ZNF317: variants seen among roughly 807,000 people sequenced by gnomAD.
ZNF317 encodes the protein zinc finger protein 317.
Under a neutral mutation model 23.4 loss-of-function variants are expected in ZNF317, and 17 were observed. The observed-to-expected ratio is 0.73, with a 90% confidence interval of 0.50 to 1.09. ZNF317 has a LOEUF of 1.09. ZNF317 is among the 50% of genes least tolerant of loss of function. ZNF317 has a pLI of 0.00. For missense variants in ZNF317, 679 were observed against 796.7 expected (o/e 0.85, Z 1.78); for synonymous variants, 317 against 314.9 (o/e 1.01, Z -0.07).
At chr19:9,149,938 G>T (rs1447971929) in intron 1 of ZNF317, among the ~76,000 whole-genome samples, 1 of 152,168 alleles carries the variant, frequency 6.6e-6, no homozygotes, top group Non-Finnish European at 1.5e-5. Flanking sequence ...GAAGCAACCA[G>T]ATTTTTGTAT....
chr19:9,151,370 A>G (rs1430518227), intron 1 of ZNF317, among the ~76,000 whole-genome samples: 2 of 152,228 alleles, frequency 1.3e-5, no homozygotes, highest in East Asian at 3.8e-4. Flanking sequence ...ATGTTTCTGA[A>G]TATCTAAAAC....
At position 9,141,115 on chromosome 19, in the gene ZNF317, A is replaced by G. The variant is rs144921617; in HGVS notation, c.-93+523A>G. On this transcript the variant is annotated intron_variant, in intron 1 of 6. Transcript: ENST00000247956. ...TAGCCTATATGTATATTTACTATTC[A>G]GTTCAACATTTTGTTAATTAACTTG... Among the ~76,000 whole-genome samples the G allele has an allele frequency of 8.5e-3, 1,291 of 152,216 alleles. 22 individuals are homozygous for G. Among genetic ancestry groups the G allele is most frequent in the African/African-American group, 0.03 (1,253 of 41,532 alleles).
At chr19:9,144,793 A>G (rs1600222078) in intron 1 of ZNF317, among the ~76,000 whole-genome samples, 1 of 151,964 alleles carries the variant, frequency 6.6e-6, no homozygotes, top group East Asian at 1.9e-4. Context: ...TTTTGGTGTA[A>G]TTCTTCCACT....
At chr19:9,147,330 G>GTTTTTTTTTTTTTTTTTTTTT (rs35259257) in intron 1 of ZNF317, among the ~76,000 whole-genome samples, 1 of 110,172 alleles carries the variant, frequency 9.1e-6, no homozygotes, top group African/African-American at 3.9e-5. Context: ...AATGACACTG[G>GTTTTTTTTTTTTTTTTTTTTT]TTTTTTTTTT....
At chr19:9,143,613 G>A (rs2050653998) in intron 1 of ZNF317, among the ~76,000 whole-genome samples, 1 of 88,798 alleles carries the variant, frequency 1.1e-5, no homozygotes, top group African/African-American at 6.3e-5. Flanking sequence ...CATTTTCTGA[G>A]ACAAACATGG....
chr19:9,163,372 A>G lies in ZNF317; in HGVS notation c.*1939A>G, dbSNP rs2050880788. The G allele has an allele frequency of 6.6e-6, 1 of 152,192 alleles. No individual in the cohort carries two copies. Among genetic ancestry groups the G allele is most frequent in the Non-Finnish European group, 1.5e-5 (1 of 68,038 alleles). 9.4% of individuals were successfully genotyped at this position (152,192 alleles called of 1,614,324 possible). A position where few individuals can be genotyped will look rare whatever the true frequency, so the allele number is the denominator to read the frequency against. On this transcript the variant is annotated 3_prime_UTR_variant, in exon 7 of 7. Transcript: ENST00000247956. ...AGCAGCCCTGGACTTCCAGACTTCT[A>G]TCACATGAGAAAAAATAAAACTGAT... is the stretch of plus-strand genomic sequence containing the variant.
At chr19:9,143,253 G>C (rs2050650663) in intron 1 of ZNF317, among the ~76,000 whole-genome samples, 1 of 151,844 alleles carries the variant, frequency 6.6e-6, no homozygotes, top group Non-Finnish European at 1.5e-5. Flanking sequence ...ATTATATGTT[G>C]CTTTTTACAA....
chr19:9,151,327 G>A (rs193159466), intron 1 of ZNF317, among the ~76,000 whole-genome samples: 4 of 152,310 alleles, frequency 2.6e-5, no homozygotes, highest in Non-Finnish European at 5.9e-5. Flanking sequence ...GAGTTTATAC[G>A]TTAAAACACA....
At chr19:9,159,539 G>GTTTT (rs1232359979) in intron 6 of ZNF317, among the ~76,000 whole-genome samples, 1 of 145,270 alleles carries the variant, frequency 6.9e-6, no homozygotes, top group Admixed American at 6.9e-5. Context: ...TTTTGTTGTT[G>GTTTT]TTTTTGTTTT....
chr19:9,152,927 G>T (rs202113026), intron 1 of ZNF317, among the ~76,000 whole-genome samples: 19 of 152,214 alleles, frequency 1.2e-4, no homozygotes, highest in Non-Finnish European at 2.6e-4. Context: ...TTGAATTTCC[G>T]TAAGGTCGGT....
Position 9,158,836 on chromosome 19 carries a change from T to G in ZNF317, c.396T>G (p.Thr132=), listed in dbSNP as rs2050816642. ...AHQGACADWE[T]PSKTKWSLLM... ...TCCAATTTGTTTCAGATTGGGAGAC[T>G]CCATCTAAAACCAAGTGGTCACTTC... Residue 132 remains threonine (T), a synonymous_variant, in exon 6 of 7, where the codon ACT becomes ACG. Coordinates refer to ENST00000247956, the MANE Select transcript of ZNF317 (RefSeq NM_020933.5). 1.2e-6 allele frequency: 2 copies of G among 1,606,972 alleles called. No individual in the cohort carries two copies. The highest frequency in any genetic ancestry group is 3.3e-5 in the Admixed American group (2 of 60,002).
At chr19:9,150,216 G>A (rs897898667) in intron 1 of ZNF317, among the ~76,000 whole-genome samples, 5 of 152,214 alleles carry the variant, frequency 3.3e-5, no homozygotes. Context: ...GTGCCAGGGA[G>A]CGGAGAGTGG....
chr19:9,159,607 C>G (rs1186411979), intron 6 of ZNF317, among the ~76,000 whole-genome samples: 1 of 150,954 alleles, frequency 6.6e-6, no homozygotes, highest in African/African-American at 2.4e-5. Flanking sequence ...AGTGCAATGG[C>G]ACGATCTCAG....
chr19:9,147,261 C>G (rs1474035703), intron 1 of ZNF317, among the ~76,000 whole-genome samples: 1 of 151,600 alleles, frequency 6.6e-6, no homozygotes, highest in Non-Finnish European at 1.5e-5. Context: ...ATTAAGCAAC[C>G]CCAACAGCTC....
rs752392701 is a variant in ZNF317 at position 9,160,183 on chromosome 19, C to T, written c.538C>T (p.His180Tyr). Residue 180 changes from histidine to tyrosine, a missense_variant, in exon 7 of 7, where the codon CAT becomes TAT. Physicochemically the swap from His to Tyr is moderately conservative, Grantham distance 83 (BLOSUM62 2). Coordinates refer to ENST00000247956, the MANE Select transcript of ZNF317 (RefSeq NM_020933.5). This position sits in a 1 kb window ranked among gnomAD's most constrained non-coding sequence, Gnocchi z 6.8. Reference protein sequence around the residue: ...HLFEVFGMDPHLTQPMGRHAG... With the variant: ...HLFEVFGMDPYLTQPMGRHAG... Reference sequence around the variant, plus strand: ...GTTCGAAGTCTTTGGCATGGACCCTCATCTCACTCAGCCAATGGGAAGGCA... The same window carrying T: ...GTTCGAAGTCTTTGGCATGGACCCTTATCTCACTCAGCCAATGGGAAGGCA... The T allele has an allele frequency of 3.0e-5, 49 of 1,614,178 alleles. 1 individual carries two copies. The East Asian group carries it at 8.2e-4, about 27-fold the overall frequency.
In ZNF317 at chr19:9,160,592, G is replaced by A; in HGVS notation, c.947G>A (p.Gly316Asp). 7 of 1,614,166 alleles carry A rather than the reference G, an allele frequency of 4.3e-6. No homozygotes were observed. Among genetic ancestry groups the A allele is most frequent in the Non-Finnish European group, 5.9e-6 (7 of 1,180,046 alleles). ...TGTGATCAGTGCGGGAAGGCTTACG[G>A]CCGGAGCTGCCACCTCATCGCACAC... ...YKCDQCGKAY[G>D]RSCHLIAHKR... Residue 316 changes from glycine to aspartate, a missense_variant, in exon 7 of 7, where the codon GGC (glycine) becomes GAC (aspartate). By Grantham distance (94) the Gly-to-Asp change is moderately conservative. Transcript: ENST00000247956. The surrounding 1 kb of genome is among the most constrained non-coding windows in gnomAD (Gnocchi z 6.8).
At chr19:9,150,918 G>T (rs1016695480) in intron 1 of ZNF317, among the ~76,000 whole-genome samples, 8 of 152,176 alleles carry the variant, frequency 5.3e-5, no homozygotes, top group African/African-American at 1.9e-4. Flanking sequence ...CGGACCCTTG[G>T]TGCCTTATTC....
In ZNF317 at chr19:9,160,866, A is replaced by G; in HGVS notation, c.1221A>G (p.Lys407=). The G allele has an allele frequency of 6.2e-7, 1 of 1,614,048 alleles. No homozygotes were observed. The highest frequency in any genetic ancestry group is 8.5e-7 in the Non-Finnish European group (1 of 1,179,998). Reference sequence around the variant, plus strand: ...TTGGCGATCTCGTGTCCCGGAGGAAACACATGAGGATTCACATCGTCAAGA... The same window carrying G: ...TTGGCGATCTCGTGTCCCGGAGGAAGCACATGAGGATTCACATCGTCAAGA... The part of the protein sequence containing the change: ...KSFGDLVSRR[K]HMRIHIVKKP... Residue 407 remains lysine, a synonymous_variant, in exon 7 of 7, where the codon AAA becomes AAG. Transcript: ENST00000247956. This position sits in a 1 kb window ranked among gnomAD's most constrained non-coding sequence, Gnocchi z 6.8.
At position 9,160,896 on chromosome 19, in the gene ZNF317, C is replaced by T. The variant is rs182231417; in HGVS notation, c.1251C>T (p.Pro417=). 1.9e-4 allele frequency: 299 copies of T among 1,613,976 alleles called. No individual in the cohort carries two copies. Among genetic ancestry groups the T allele is most frequent in the Admixed American group, 4.7e-4 (28 of 59,998 alleles). ...KHMRIHIVKK[P]VECRQCGKTF... ...TGAGGATTCACATCGTCAAGAAACC[C>T]GTGGAATGTCGGCAGTGCGGGAAGA... The change falls in exon 7 of 7, where the codon CCC becomes CCT. Residue 417 remains proline, a synonymous_variant. Transcript: ENST00000247956. The surrounding 1 kb of genome is among the most constrained non-coding windows in gnomAD (Gnocchi z 6.8).
Sources: allele counts gnomAD v4.1 joint callset (sites outside exome capture counted in the v4.1 genomes callset), GRCh38; gene constraint gnomAD v4.1.1; non-coding constraint Gnocchi (gnomAD v3.1); transcripts MANE v1.5; gene names NCBI Gene and HGNC (gene_info 2026-07-23, HGNC 2026-07-21).